Variants in FRY observed in about 807,000 individuals in gnomAD.
FRY encodes the protein protein furry homolog.
In FRY, 128 loss-of-function variants were observed where a neutral mutation model predicts 348.4. The ratio of observed to expected loss-of-function variants is 0.37; its 90% CI spans 0.32 to 0.43. The LOEUF is 0.43. Ranked by LOEUF, FRY falls within the 20% of genes least tolerant of loss-of-function variation. The pLI is 1.00. For missense variants in FRY, 2,736 were observed against 3,695.2 expected, an observed-to-expected ratio of 0.74 and a Z score of 6.73; for synonymous variants, 1,370 against 1,374.7, an observed-to-expected ratio of 1.00 and a Z score of 0.08.
Position 32,276,565 on chromosome 13 carries a change from A to G in FRY, c.8385+3A>G. Reference sequence around the variant, plus strand: ...ACAGGAAAGAGGCCACACTCTCTGTAAGCTTTTGTGTTTCTATGCATATGC... The same window carrying G: ...ACAGGAAAGAGGCCACACTCTCTGTGAGCTTTTGTGTTTCTATGCATATGC... On this transcript the variant is annotated splice_donor_region_variant and intron_variant, in intron 57 of 60. Coordinates refer to ENST00000542859, the MANE Select transcript of FRY (RefSeq NM_023037.3). The G allele has an allele frequency of 6.6e-7, 1 of 1,508,488 alleles. No individual in the cohort carries two copies. The highest frequency in any genetic ancestry group is 9.2e-7 in the Non-Finnish European group (1 of 1,083,640). 93.4% of individuals were successfully genotyped at this position (1,508,488 alleles called of 1,614,324 possible).
intron 29 of FRY, among the ~76,000 whole-genome samples, chr13:32,199,739 A>G (rs1883894171): frequency 1.3e-5 from 2 of 152,220 alleles, no homozygotes; most frequent in African/African-American, 4.8e-5. Flanking sequence ...ATAAAAATTA[A>G]TATTTGAGTA....
At chr13:32,105,873 G>GCC (rs1877512569) in intron 3 of FRY, among the ~76,000 whole-genome samples, 1 of 151,758 alleles carries the variant, frequency 6.6e-6, no homozygotes, top group African/African-American at 2.4e-5. Flanking sequence ...GACTAATCCT[G>GCC]AATGGCCCTT....
Position 32,137,011 on chromosome 13 carries a change from A to C in FRY, c.1179+39A>C, listed in dbSNP as rs748803411. 2.6e-6 allele frequency: 3 copies of C among 1,159,118 alleles called. No homozygotes were observed. The South Asian group carries it at 3.7e-5, about 14-fold the overall frequency. 71.8% of individuals were successfully genotyped at this position (1,159,118 alleles called of 1,614,324 possible). A position where few individuals can be genotyped will look rare whatever the true frequency, so the allele number is the denominator to read the frequency against. ...AGCTCAAAAACGATCTCTTTAAAAA[A>C]TTTACAGTAGTTTTTAGGCTGGCTG... On this transcript the variant is annotated intron_variant, in intron 11 of 60. Coordinates refer to ENST00000542859, the MANE Select transcript of FRY (RefSeq NM_023037.3).
At chr13:32,124,992 A>T in intron 7 of FRY, 117 bp downstream of exon 7, 1 of 774,802 alleles carries the variant, frequency 1.3e-6, no homozygotes, top group Non-Finnish European at 2.3e-6. Context: ...GCTCTTTGCC[A>T]TGTGTGCCCC....
At position 32,257,959 on chromosome 13, in the gene FRY, C is replaced by T. The variant is rs758830779; in HGVS notation, c.7416+3565C>T. 4 of 1,607,302 alleles carry T rather than the reference C, an allele frequency of 2.5e-6. No homozygotes were observed. The Admixed American group carries it at 5.0e-5, about 20-fold the overall frequency. The stretch of plus-strand genomic sequence containing the variant: ...GTTTTTCTGCTCATTCAATCTGCTA[C>T]CCAGGAACTTCAGGTAAGATGATGC... On this transcript the variant is annotated intron_variant, in intron 51 of 60. Transcript: ENST00000542859.
chr13:32,276,547 A>G lies in FRY; in HGVS notation c.8370A>G (p.Lys2790=). ...QEYLDTYNNR[K]EATLSWLANC... is the part of the protein sequence containing the mutation. ...ATTTGGATACCTACAACAACAGGAA[A>G]GAGGCCACACTCTCTGTAAGCTTTT... is the stretch of plus-strand genomic sequence containing the variant. Residue 2790 remains lysine, a synonymous_variant, in exon 57 of 61, where the codon AAA becomes AAG. Transcript: ENST00000542859. 6.4e-7 allele frequency: 1 copy of G among 1,569,266 alleles called. No individual in the cohort carries two copies. Among genetic ancestry groups the G allele is most frequent in the Non-Finnish European group, 8.8e-7 (1 of 1,139,114 alleles).
At chr13:32,141,431 G>A (rs1007635222) in intron 11 of FRY, among the ~76,000 whole-genome samples, 2 of 152,172 alleles carry the variant, frequency 1.3e-5, no homozygotes, top group Non-Finnish European at 2.9e-5. Context: ...TCTTTGAAAT[G>A]GAAGAGAAAA....
intron 46 of FRY, among the ~76,000 whole-genome samples, chr13:32,241,294 C>T (rs190142407): frequency 1.3e-5 from 2 of 152,150 alleles, no homozygotes; most frequent in African/African-American, 2.4e-5. Context: ...GCAAATTGTA[C>T]GTAGCATATA....
At chr13:32,171,696 C>T (rs1882082009) in intron 18 of FRY, among the ~76,000 whole-genome samples, 1 of 152,196 alleles carries the variant, frequency 6.6e-6, no homozygotes, top group African/African-American at 2.4e-5. Flanking sequence ...CTAAGAACTT[C>T]CTCCCTGGTG....
At chr13:32,226,077 C>A (rs1176631195) in intron 39 of FRY, 103 bp downstream of exon 39, 3 of 912,868 alleles carry the variant, frequency 3.3e-6, no homozygotes, top group East Asian at 5.1e-5. Flanking sequence ...CATGCTATGA[C>A]CTCCAACTTT....
intron 40 of FRY, among the ~76,000 whole-genome samples, chr13:32,230,382 C>T (rs538351207): frequency 6.6e-5 from 10 of 152,202 alleles, no homozygotes; most frequent in Non-Finnish European, 1.3e-4. Flanking sequence ...ATCCATGTCA[C>T]TGCAAAGGAT....
At chr13:32,137,206 G>C (rs1238381795) in intron 11 of FRY, among the ~76,000 whole-genome samples, 1 of 152,100 alleles carries the variant, frequency 6.6e-6, no homozygotes, top group African/African-American at 2.4e-5. Context: ...GTTCTAACAA[G>C]GATCACTTTA....
chr13:32,102,030 A>C lies in FRY; in HGVS notation c.324+14A>C. The C allele has an allele frequency of 7.0e-7, 1 of 1,435,120 alleles. No individual in the cohort carries two copies. The highest frequency in any genetic ancestry group is 9.8e-7 in the Non-Finnish European group (1 of 1,016,418). The allele number at this position is 1,435,120 out of a possible 1,614,324, so 88.9% of individuals were successfully genotyped here. Reference sequence around the variant, plus strand: ...CAATTTGATCAGGTATGTGATATATATGTTATATACTAGTTTTCCTTTATT... The same window carrying C: ...CAATTTGATCAGGTATGTGATATATCTGTTATATACTAGTTTTCCTTTATT... On this transcript the variant is annotated intron_variant, in intron 3 of 60. Transcript: ENST00000542859.
In FRY at chr13:32,228,536, A is replaced by T. The variant is rs761524686; in HGVS notation, c.5287A>T (p.Ile1763Phe). The change falls in exon 40 of 61, where the codon ATC (isoleucine) becomes TTC (phenylalanine). Residue 1763 changes from isoleucine to phenylalanine, a missense_variant. This residue lies in a region of FRY where 794 missense variants were observed against 977.0 expected (regional missense o/e 0.81). Coordinates refer to ENST00000542859, the MANE Select transcript of FRY (RefSeq NM_023037.3). ...GLSSSSTSSS[I>F]SLGGSSGNLP... ...TAGTTCAAGCTCCACCTCCTCTAGC[A>T]TCAGTCTGGGAGGCAGCAGTGGAAA... 1.2e-6 allele frequency: 2 copies of T among 1,613,834 alleles called. No individual in the cohort carries two copies. The highest frequency in any genetic ancestry group is 1.7e-6 in the Non-Finnish European group (2 of 1,179,826).
At chr13:32,200,206 G>T (rs959545490) in intron 29 of FRY, among the ~76,000 whole-genome samples, 1 of 151,970 alleles carries the variant, frequency 6.6e-6, no homozygotes, top group African/African-American at 2.4e-5. Flanking sequence ...GCCACAATGG[G>T]GATTAAATTT....
chr13:32,087,445 G>A (rs1202038586), intron 2 of FRY, among the ~76,000 whole-genome samples: 1 of 152,182 alleles, frequency 6.6e-6, no homozygotes, highest in Non-Finnish European at 1.5e-5. Context: ...TAAGTAGGAC[G>A]CTGTGCTGTA....
intron 2 of FRY, among the ~76,000 whole-genome samples, chr13:32,081,567 C>T (rs748563180): frequency 6.6e-6 from 1 of 152,316 alleles, no homozygotes; most frequent in Non-Finnish European, 1.5e-5. Flanking sequence ...TCAGGTGATC[C>T]TCCCGTCTTG....
At chr13:32,254,646 C>T (rs1256288158) in intron 51 of FRY, among the ~76,000 whole-genome samples, 1 of 152,022 alleles carries the variant, frequency 6.6e-6, no homozygotes, top group Non-Finnish European at 1.5e-5. Context: ...GTTTTAATGA[C>T]CACACAAAGA....
chr13:32,209,017 G>T lies in FRY; in HGVS notation c.4183G>T (p.Val1395Leu), dbSNP rs765046521. ...CGAAGTCAAGGACCGGGAAGGTGAC[G>T]TGACTGCTTCTCACGGGCTGAGAGG... is the stretch of plus-strand genomic sequence containing the variant. The part of the protein sequence containing the change: ...EDEVKDREGD[V>L]TASHGLRGNG... The change falls in exon 32 of 61, where the codon GTG becomes TTG. Residue 1395 changes from valine to leucine, a missense_variant. This residue lies in a region of FRY where 794 missense variants were observed against 977.0 expected (regional missense o/e 0.81). Transcript: ENST00000542859. The T allele has an allele frequency of 9.3e-6, 15 of 1,614,206 alleles. No homozygotes were observed. Among genetic ancestry groups the T allele is most frequent in the African/African-American group, 4.0e-5 (3 of 75,050 alleles).
Sources: gnomAD v4.1 joint callset for allele counts (sites outside exome capture counted in the v4.1 genomes callset) on GRCh38, gnomAD v4.1.1 for gene constraint, gnomAD v4.1.1 regional missense constraint, MANE v1.5 for transcripts, NCBI Gene and HGNC (gene_info 2026-07-23, HGNC 2026-07-21) for gene names.